The following KIF6 variants were observed in gnomAD, a reference collection of about 807,000 sequenced individuals.
The protein encoded by KIF6 is kinesin-like protein KIF6.
Under a neutral mutation model 112.7 loss-of-function variants are expected in KIF6, and 106 were observed. The observed-to-expected ratio is 0.94, with a 90% confidence interval of 0.80 to 1.11. KIF6 has a LOEUF of 1.11. Among genes scored for constraint, KIF6 ranks in the 50% least tolerant of loss-of-function variants. The probability of loss-of-function intolerance (pLI) is 0.00; values close to 1 mark genes in which losing one functional copy is unlikely to be tolerated. For missense variants in KIF6, 929 were observed against 964.0 expected, an observed-to-expected ratio of 0.96 and a Z score of 0.48; for synonymous variants, 339 against 339.9, an observed-to-expected ratio of 1.00 and a Z score of 0.03.
At chr6:39,435,082 C>T (rs114455390) in intron 13 of KIF6, among the ~76,000 whole-genome samples, 300 of 152,092 alleles carry the variant, frequency 2.0e-3, no homozygotes, top group African/African-American at 6.9e-3. Context: ...TGAAAAATGC[C>T]CAGCTTTTAG....
chr6:39,394,346 C>T (rs191287672), intron 15 of KIF6, among the ~76,000 whole-genome samples: 14 of 152,314 alleles, frequency 9.2e-5, no homozygotes, highest in South Asian at 2.1e-4. Context: ...CTGGAAATTG[C>T]GCTTGAGCAC....
rs73735504 is a variant in KIF6, at chr6:39,355,933, G to A, written c.2180+1344C>T. ...TTGCCACAATCACTGAACCGATATT[G>A]ATACATTGTTATTAACTAAAGGCCA... On this transcript the variant is annotated intron_variant, in intron 19 of 22. Coordinates refer to ENST00000287152, the MANE Select transcript of KIF6 (RefSeq NM_145027.6). 1.0e-2 allele frequency among the ~76,000 whole-genome samples: 1,517 copies of A among 152,006 alleles called. 30 individuals are homozygous for A. Among genetic ancestry groups the A allele is most frequent in the African/African-American group, 0.035 (1,441 of 41,422 alleles).
chr6:39,479,857 A>T (rs975932574), intron 13 of KIF6, among the ~76,000 whole-genome samples: 1 of 152,084 alleles, frequency 6.6e-6, no homozygotes, highest in Admixed American at 6.5e-5. Context: ...TGGCTTGGTC[A>T]CTGCTGGTGT....
intron 15 of KIF6, among the ~76,000 whole-genome samples, chr6:39,391,298 T>G (rs563842333): frequency 6.6e-6 from 1 of 152,212 alleles, no homozygotes; most frequent in South Asian, 2.1e-4. Flanking sequence ...CGGAACAGGG[T>G]AAGAGTCTGG....
At chr6:39,423,246 G>C (rs73732108) in intron 14 of KIF6, among the ~76,000 whole-genome samples, 3,435 of 152,188 alleles carry the variant, frequency 0.023, 126 homozygotes, top group African/African-American at 0.079. Flanking sequence ...CTGGCTTCCC[G>C]TAACACCCAG....
chr6:39,674,509 C>T (rs957403628), intron 3 of KIF6, among the ~76,000 whole-genome samples: 5 of 151,950 alleles, frequency 3.3e-5, no homozygotes, highest in African/African-American at 9.7e-5. Context: ...GCCCAGAGTG[C>T]GCACTTAAGA....
At chr6:39,678,711 C>T (rs956895605) in intron 3 of KIF6, among the ~76,000 whole-genome samples, 3 of 152,188 alleles carry the variant, frequency 2.0e-5, no homozygotes, top group African/African-American at 7.2e-5. Context: ...CTATATTAGA[C>T]CCCCTCATCA....
intron 9 of KIF6, chr6:39,583,578 C>T (rs771501560): frequency 2.3e-6 from 1 of 434,674 alleles, no homozygotes; most frequent in Non-Finnish European, 4.9e-6. Context: ...GACAAACAAT[C>T]AAGAGGAAGT....
At position 39,461,352 on chromosome 6, in the gene KIF6, G is replaced by T. The variant is rs551892646; in HGVS notation, c.1646-30191C>A. On this transcript the variant is annotated intron_variant, in intron 13 of 22. Transcript: ENST00000287152. ...CAATACAAGTGAGGTGGACCCTATTGGTTGACTAACCTACAAATCATGGCC... is the reference window on the plus strand; with the variant it reads ...CAATACAAGTGAGGTGGACCCTATTTGTTGACTAACCTACAAATCATGGCC... 4.6e-5 allele frequency among the ~76,000 whole-genome samples: 7 copies of T among 152,184 alleles called. No homozygotes were observed. The East Asian group carries it at 7.7e-4, about 17-fold the overall frequency.
At chr6:39,363,303 C>A (rs1185337170) in intron 16 of KIF6, among the ~76,000 whole-genome samples, 1 of 152,236 alleles carries the variant, frequency 6.6e-6, no homozygotes. Context: ...ACTCCCTCTG[C>A]AGCAGTGGTT....
intron 13 of KIF6, among the ~76,000 whole-genome samples, chr6:39,450,078 C>G (rs1581883374): frequency 1.3e-5 from 2 of 152,162 alleles, no homozygotes; most frequent in East Asian, 3.8e-4. Flanking sequence ...CAAAGGGGGC[C>G]AAACAAAATG....
rs9471120 is a variant in KIF6 at position 39,518,449 on chromosome 6, A to G, written c.1645+21554T>C. On this transcript the variant is annotated intron_variant, in intron 13 of 22. Coordinates refer to ENST00000287152, the MANE Select transcript of KIF6 (RefSeq NM_145027.6). Reference sequence around the variant, plus strand: ...GTTCAACAGCTCTTTTTCATGTCATATCAGTGGATTGTAAAATACTGTGGT... The same window carrying G: ...GTTCAACAGCTCTTTTTCATGTCATGTCAGTGGATTGTAAAATACTGTGGT... Among the ~76,000 whole-genome samples, 458 of 152,352 alleles carry G rather than the reference A, an allele frequency of 3.0e-3. 2 individuals carry two copies. Among genetic ancestry groups the G allele is most frequent in the African/African-American group, 0.011 (439 of 41,580 alleles).
intron 3 of KIF6, among the ~76,000 whole-genome samples, chr6:39,647,678 G>A (rs1203083936): frequency 6.6e-6 from 1 of 151,826 alleles, no homozygotes. Context: ...GCTATGTCAG[G>A]AACCTAGGTC....
intron 14 of KIF6, among the ~76,000 whole-genome samples, chr6:39,427,235 C>T (rs1214374201): frequency 6.6e-6 from 1 of 152,124 alleles, no homozygotes; most frequent in Non-Finnish European, 1.5e-5. Context: ...TCCTTCCTGT[C>T]ACTAGAGGGA....
rs565428561 is a variant in KIF6 at position 39,719,841 on chromosome 6, G to A, written c.176+861C>T. Among the ~76,000 whole-genome samples the A allele has an allele frequency of 7.9e-5, 12 of 152,168 alleles. No homozygotes were observed. The South Asian group carries it at 2.5e-3, about 32-fold the overall frequency. Reference sequence around the variant, plus strand: ...TTTAAAAAAGCAAAAAGATTAGTTGGGCATGGTGGTGCAGGCCTGTAGTTC... The same window carrying A: ...TTTAAAAAAGCAAAAAGATTAGTTGAGCATGGTGGTGCAGGCCTGTAGTTC... On this transcript the variant is annotated intron_variant, in intron 2 of 22. Transcript: ENST00000287152.
Position 39,366,666 on chromosome 6 carries a change from T to G in KIF6, c.1862-4148A>C, listed in dbSNP as rs967288111. Among the ~76,000 whole-genome samples, 16 of 152,136 alleles carry G rather than the reference T, an allele frequency of 1.1e-4. No individual in the cohort carries two copies. The South Asian group carries it at 1.5e-3, about 14-fold the overall frequency. On this transcript the variant is annotated intron_variant, in intron 16 of 22. Coordinates refer to ENST00000287152, the MANE Select transcript of KIF6 (RefSeq NM_145027.6). The stretch of plus-strand genomic sequence containing the variant: ...GGGGCACAGAATGTGCAACAGTAAG[T>G]GCAAAAGGCCTGAGGTGTGAGCCTG...
At chr6:39,522,714 C>T (rs1254841280) in intron 13 of KIF6, among the ~76,000 whole-genome samples, 2 of 152,244 alleles carry the variant, frequency 1.3e-5, no homozygotes, top group Admixed American at 1.3e-4. Flanking sequence ...CTCCTTCAAA[C>T]TCAACCTCTA....
chr6:39,484,455 T>A (rs1774994369), intron 13 of KIF6, among the ~76,000 whole-genome samples: 1 of 152,022 alleles, frequency 6.6e-6, no homozygotes, highest in African/African-American at 2.4e-5. Flanking sequence ...GTCAATTCTG[T>A]TAGGACTGAT....
At chr6:39,431,411 TGGAATGCCTGCTCGGG>T (rs1242653859) in intron 13 of KIF6, 2 of 364,900 alleles carry the variant, frequency 5.5e-6, no homozygotes, top group Non-Finnish European at 9.8e-6. Context: ...GGGCGGGGTT[TGGAATGCCTGCTCGGG>T]GGAAATGAAA....
Sources: gnomAD v4.1 joint callset for allele counts (sites outside exome capture counted in the v4.1 genomes callset) on GRCh38, gnomAD v4.1.1 for gene constraint, MANE v1.5 for transcripts, NCBI Gene and HGNC (gene_info 2026-07-23, HGNC 2026-07-21) for gene names.